The following ATXN7L1 variants were observed in gnomAD, a reference collection of about 807,000 sequenced individuals.
The protein encoded by ATXN7L1 is ataxin 7 like 1.
In ATXN7L1, 15 loss-of-function variants were observed where a neutral mutation model predicts 70.8. The observed-to-expected ratio is 0.21, with a 90% confidence interval of 0.14 to 0.33. ATXN7L1 has a LOEUF of 0.33. ATXN7L1 is among the 10% of genes least tolerant of loss of function. ATXN7L1 has a pLI of 1.00. For missense variants in ATXN7L1, 975 were observed against 1,097.1 expected (o/e 0.89, Z 1.57); for synonymous variants, 440 against 445.1 (o/e 0.99, Z 0.14).
At chr7:105,641,161 G>C (rs1176182864) in intron 5 of ATXN7L1, among the ~76,000 whole-genome samples, 3 of 136,498 alleles carry the variant, frequency 2.2e-5, no homozygotes, top group Admixed American at 7.5e-5. Context: ...TTACCAAAAT[G>C]CCTCCCCCCT....
At chr7:105,731,096 G>A (rs73717261) in intron 3 of ATXN7L1, among the ~76,000 whole-genome samples, 2,838 of 152,242 alleles carry the variant, frequency 0.019, 95 homozygotes, top group African/African-American at 0.064. Flanking sequence ...ATGGGTCACA[G>A]TAAAAACACA....
At chr7:105,631,578 T>C (rs1195503330) in intron 7 of ATXN7L1, among the ~76,000 whole-genome samples, 1 of 152,212 alleles carries the variant, frequency 6.6e-6, no homozygotes, top group East Asian at 1.9e-4. Flanking sequence ...GCAATTCTCC[T>C]GCCTCAGCCT....
chr7:105,856,289 A>G (rs568775223), intron 2 of ATXN7L1, among the ~76,000 whole-genome samples: 3 of 152,354 alleles, frequency 2.0e-5, no homozygotes, highest in Admixed American at 6.5e-5. Flanking sequence ...TATGAAATCT[A>G]CAAAAAAGAA....
intron 2 of ATXN7L1, among the ~76,000 whole-genome samples, chr7:105,794,497 C>A (rs776490464): frequency 1.3e-5 from 2 of 152,226 alleles, no homozygotes; most frequent in African/African-American, 2.4e-5. Context: ...ACATTTACAC[C>A]AGCACTTCGC....
intron 9 of ATXN7L1, among the ~76,000 whole-genome samples, chr7:105,616,108 C>T (rs537386218): frequency 6.6e-6 from 1 of 152,342 alleles, no homozygotes; most frequent in East Asian, 1.9e-4. Flanking sequence ...CCTGGGAAAT[C>T]ATTTTCACTG....
chr7:105,694,667 AT>A (rs1791478186), intron 3 of ATXN7L1, among the ~76,000 whole-genome samples: 2 of 152,202 alleles, frequency 1.3e-5, no homozygotes. Flanking sequence ...GGCAGACTTT[AT>A]TATTCCCATT....
intron 2 of ATXN7L1, among the ~76,000 whole-genome samples, chr7:105,857,906 T>C (rs200313335): frequency 6.6e-6 from 1 of 152,052 alleles, no homozygotes; most frequent in African/African-American, 2.4e-5. Context: ...GGCCATCACC[T>C]TCACCTTCAA....
At chr7:105,666,543 T>C (rs1348364543) in intron 3 of ATXN7L1, among the ~76,000 whole-genome samples, 4 of 152,188 alleles carry the variant, frequency 2.6e-5, no homozygotes, top group African/African-American at 9.6e-5. Context: ...GACAGGAGTC[T>C]GGGGTTTTTC....
At chr7:105,718,293 C>T (rs1426600895) in intron 3 of ATXN7L1, among the ~76,000 whole-genome samples, 1 of 152,190 alleles carries the variant, frequency 6.6e-6, no homozygotes, top group East Asian at 1.9e-4. Flanking sequence ...CCAGTGGCCA[C>T]AGGGAAGGCA....
intron 3 of ATXN7L1, among the ~76,000 whole-genome samples, chr7:105,715,209 C>T (rs990793491): frequency 3.3e-5 from 5 of 152,190 alleles, no homozygotes; most frequent in Non-Finnish European, 5.9e-5. Context: ...GGCTCAAAAC[C>T]AGCTCCAGCA....
intron 3 of ATXN7L1, among the ~76,000 whole-genome samples, chr7:105,738,747 T>C (rs2116353592): frequency 6.6e-6 from 1 of 152,314 alleles, no homozygotes; most frequent in Non-Finnish European, 1.5e-5. Flanking sequence ...ATAATGACTT[T>C]TGTATTTTTC....
chr7:105,872,970 C>T (rs955732750), intron 2 of ATXN7L1, among the ~76,000 whole-genome samples: 11 of 151,806 alleles, frequency 7.2e-5, no homozygotes, highest in African/African-American at 1.9e-4. Context: ...CTGGCTAACA[C>T]GGTGAAACCC....
intron 4 of ATXN7L1, among the ~76,000 whole-genome samples, chr7:105,652,422 T>C (rs1010052662): frequency 6.6e-6 from 1 of 152,206 alleles, no homozygotes; most frequent in Non-Finnish European, 1.5e-5. Context: ...AATTTGATTC[T>C]GCAGGGAGCG....
At chr7:105,792,215 C>T (rs912588621) in intron 2 of ATXN7L1, among the ~76,000 whole-genome samples, 2 of 152,234 alleles carry the variant, frequency 1.3e-5, no homozygotes, top group African/African-American at 4.8e-5. Context: ...CCCGTTGAGA[C>T]TTTTCCTAGT....
At chr7:105,754,361 TC>T (rs1165307677) in intron 3 of ATXN7L1, among the ~76,000 whole-genome samples, 3 of 151,968 alleles carry the variant, frequency 2.0e-5, no homozygotes, top group Non-Finnish European at 4.4e-5. Flanking sequence ...GTTAGTCTGG[TC>T]CCTTGTTTAT....
intron 3 of ATXN7L1, among the ~76,000 whole-genome samples, chr7:105,781,257 A>G (rs959886290): frequency 6.6e-6 from 1 of 152,174 alleles, no homozygotes; most frequent in Non-Finnish European, 1.5e-5. Context: ...CCCCCAAAAA[A>G]TCCTACTTCT....
chr7:105,649,159 G>A (rs1339142768), intron 4 of ATXN7L1, among the ~76,000 whole-genome samples: 1 of 152,168 alleles, frequency 6.6e-6, no homozygotes, highest in African/African-American at 2.4e-5. Context: ...TTTCTTTGTG[G>A]AGCAGTGTTT....
intron 2 of ATXN7L1, among the ~76,000 whole-genome samples, chr7:105,832,146 T>C (rs1283925174): frequency 1.3e-5 from 2 of 152,136 alleles, no homozygotes; most frequent in Non-Finnish European, 1.5e-5. Flanking sequence ...AGTTAGTAGA[T>C]AATATAAAGC....
At chr7:105,756,849 T>C (rs1474729656) in intron 3 of ATXN7L1, among the ~76,000 whole-genome samples, 3 of 152,198 alleles carry the variant, frequency 2.0e-5, no homozygotes, top group Non-Finnish European at 4.4e-5. Context: ...CCCTAAATTA[T>C]ATGCTCCAGA....
Sources: gnomAD v4.1 joint callset for allele counts (sites outside exome capture counted in the v4.1 genomes callset) on GRCh38, gnomAD v4.1.1 for gene constraint, MANE v1.5 for transcripts, NCBI Gene and HGNC (gene_info 2026-07-23, HGNC 2026-07-21) for gene names.